Variants in SLC66A2 observed in about 807,000 individuals in gnomAD.
The protein encoded by SLC66A2 is solute carrier family 66 member 2.
In SLC66A2, 23 loss-of-function variants were observed where a neutral mutation model predicts 25.5. The ratio of observed to expected loss-of-function variants is 0.90; its 90% CI spans 0.65 to 1.28. SLC66A2 has a LOEUF of 1.28. Among genes scored for constraint, SLC66A2 ranks in the 50% most tolerant of loss-of-function variants. SLC66A2 has a pLI of 0.00. For missense variants in SLC66A2, 396 were observed against 373.1 expected, an observed-to-expected ratio of 1.06 and a Z score of -0.51; for synonymous variants, 193 against 166.5, an observed-to-expected ratio of 1.16 and a Z score of -1.23.
At chr18:79,949,318 G>A (rs888321133) in intron 2 of SLC66A2, among the ~76,000 whole-genome samples, 5 of 152,180 alleles carry the variant, frequency 3.3e-5, no homozygotes, top group African/African-American at 1.2e-4. Context: ...AAATGGACAC[G>A]AAAGGGGTGT....
chr18:79,948,899 G>A (rs2051021534), intron 2 of SLC66A2, among the ~76,000 whole-genome samples: 1 of 152,154 alleles, frequency 6.6e-6, no homozygotes, highest in South Asian at 2.1e-4. Flanking sequence ...AACAGCATTA[G>A]ACAATTAGAA....
At chr18:79,906,242 G>A (rs1269821967) in intron 5 of SLC66A2, among the ~76,000 whole-genome samples, 1 of 151,992 alleles carries the variant, frequency 6.6e-6, no homozygotes, top group Admixed American at 6.6e-5. Flanking sequence ...TTTCATTTTT[G>A]TTGCTTGGTG....
rs1013185234 is a variant in SLC66A2, at chr18:79,918,661, G to A, written c.608+523C>T. On this transcript the variant is annotated intron_variant, in intron 5 of 5. Coordinates refer to ENST00000397778, the MANE Select transcript of SLC66A2 (RefSeq NM_025078.5). The surrounding 1 kb of genome is among the most constrained non-coding windows in gnomAD (Gnocchi z 4.0). ...CCCTACCTCTGGCGGTCACGGGGAC[G>A]TCCAGGCACGCACTGGTGCAGGGCG... Among the ~76,000 whole-genome samples the A allele has an allele frequency of 6.6e-6, 1 of 152,246 alleles. No individual in the cohort carries two copies. Among genetic ancestry groups the A allele is most frequent in the African/African-American group, 2.4e-5 (1 of 41,460 alleles).
intron 3 of SLC66A2, among the ~76,000 whole-genome samples, chr18:79,935,646 G>C (rs1286861711): frequency 6.6e-6 from 1 of 152,188 alleles, no homozygotes; most frequent in African/African-American, 2.4e-5. Context: ...GCTTCCACCT[G>C]CTTTCTCAGG....
chr18:79,948,380 G>A (rs931056781), intron 2 of SLC66A2, among the ~76,000 whole-genome samples: 4 of 152,042 alleles, frequency 2.6e-5, no homozygotes, highest in African/African-American at 7.2e-5. Flanking sequence ...TTTGAGACAG[G>A]GTCTCTCTCT....
intron 5 of SLC66A2, among the ~76,000 whole-genome samples, chr18:79,907,319 G>A (rs142602905): frequency 8.3e-4 from 97 of 117,070 alleles, no homozygotes; most frequent in Non-Finnish European, 1.6e-3. Context: ...GTTTTTCACT[G>A]TATCTCTTTG....
rs184687683 is a variant in SLC66A2 at position 79,925,564 on chromosome 18, A to G, written c.392-6164T>C. On this transcript the variant is annotated intron_variant, in intron 4 of 5. Coordinates refer to ENST00000397778, the MANE Select transcript of SLC66A2 (RefSeq NM_025078.5). The stretch of plus-strand genomic sequence containing the variant: ...GCTGATCCTCAGAAGCTTCCGTCGC[A>G]CGGGCGTGGCTGCCCTCAACTCACA... Among the ~76,000 whole-genome samples the G allele has an allele frequency of 1.4e-3, 219 of 152,346 alleles. 1 individual carries two copies. The highest frequency in any genetic ancestry group is 4.8e-3 in the African/African-American group (199 of 41,582).
intron 3 of SLC66A2, among the ~76,000 whole-genome samples, chr18:79,934,698 G>A (rs1377145962): frequency 1.3e-5 from 2 of 152,186 alleles, no homozygotes; most frequent in Non-Finnish European, 2.9e-5. Flanking sequence ...GCCTCTAGGT[G>A]GCTCCTGGGA....
intron 4 of SLC66A2, among the ~76,000 whole-genome samples, chr18:79,931,473 C>G (rs1044663357): frequency 6.6e-5 from 10 of 152,070 alleles, no homozygotes; most frequent in African/African-American, 1.9e-4. Context: ...TAACAAACAA[C>G]AGTGCCCCAA....
chr18:79,934,084 A>G, intron 3 of SLC66A2, 62 bp from the exon 4 acceptor site: 1 of 1,264,432 alleles, frequency 7.9e-7, no homozygotes, highest in Non-Finnish European at 1.1e-6. Context: ...TACTGGTTTT[A>G]ACATGGGTAA....
intron 5 of SLC66A2, among the ~76,000 whole-genome samples, chr18:79,909,177 G>C (rs947086184): frequency 6.6e-6 from 1 of 152,146 alleles, no homozygotes; most frequent in Admixed American, 6.6e-5. Flanking sequence ...ACTTGTTTTT[G>C]GTGGACTGCA....
rs12966083 is a variant in SLC66A2, at chr18:79,916,162, C to G, written c.608+3022G>C. On this transcript the variant is annotated intron_variant, in intron 5 of 5. Transcript: ENST00000397778. ...CTCCCGTACCCGCGGCGCTCTCGTA[C>G]CCGCAGTGCTCCCGTACCCTCCCAT... 9.7e-3 allele frequency among the ~76,000 whole-genome samples: 563 copies of G among 57,826 alleles called. 6 individuals carry two copies. Among genetic ancestry groups the G allele is most frequent in the East Asian group, 0.049 (49 of 1,010 alleles). 37.9% of individuals were successfully genotyped at this position (57,826 alleles called of 152,430 possible).
At chr18:79,911,397 A>G (rs910954032) in intron 5 of SLC66A2, among the ~76,000 whole-genome samples, 2 of 152,248 alleles carry the variant, frequency 1.3e-5, no homozygotes, top group African/African-American at 4.8e-5. Context: ...CAACAAAGAC[A>G]GAGGGCTCCA....
intron 3 of SLC66A2, among the ~76,000 whole-genome samples, chr18:79,939,271 T>C (rs926056179): frequency 7.2e-5 from 11 of 152,242 alleles, no homozygotes; most frequent in Non-Finnish European, 1.3e-4. Context: ...GTTATTTTCA[T>C]GTCCTCATCG....
intron 4 of SLC66A2, among the ~76,000 whole-genome samples, chr18:79,922,863 G>A (rs1350971373): frequency 2.4e-4 from 32 of 132,344 alleles, no homozygotes; most frequent in African/African-American, 9.2e-4. Context: ...GGTTAGGGGG[G>A]CTTGGGGGCA....
rs1981490680 is a variant in SLC66A2, at chr18:79,903,238, G to A, written c.*738C>T. The A allele has an allele frequency of 1.3e-5, 2 of 152,444 alleles. No individual in the cohort carries two copies. Among genetic ancestry groups the A allele is most frequent in the African/African-American group, 2.4e-5 (1 of 41,476 alleles). The allele number at this position is 152,444 out of a possible 1,614,324, so 9.4% of individuals were successfully genotyped here. A position where few individuals can be genotyped will look rare whatever the true frequency, so the allele number is the denominator to read the frequency against. On this transcript the variant is annotated 3_prime_UTR_variant, in exon 6 of 6. Coordinates refer to ENST00000397778, the MANE Select transcript of SLC66A2 (RefSeq NM_025078.5). The stretch of plus-strand genomic sequence containing the variant: ...CATGAGGGCCTCCACGTTGTCTGAT[G>A]GTCGCTGGCATCTGCCACGTCCCCA...
At chr18:79,910,275 C>A (rs1428206415) in intron 5 of SLC66A2, among the ~76,000 whole-genome samples, 1 of 127,174 alleles carries the variant, frequency 7.9e-6, no homozygotes, top group Non-Finnish European at 1.7e-5. Context: ...CACCAGAGTC[C>A]CCAACCTTCC....
chr18:79,930,237 C>A (rs1038026997), intron 4 of SLC66A2: 1 of 151,990 alleles, frequency 6.6e-6, no homozygotes, highest in African/African-American at 2.4e-5. Flanking sequence ...CAAGGAAACC[C>A]CAATAAGATT....
chr18:79,906,611 A>T (rs1982161516), intron 5 of SLC66A2, among the ~76,000 whole-genome samples: 1 of 152,162 alleles, frequency 6.6e-6, no homozygotes, highest in Non-Finnish European at 1.5e-5. Context: ...GTTCTTTTTT[A>T]AAAAAATTCT....
Sources: gnomAD v4.1 joint callset for allele counts (sites outside exome capture counted in the v4.1 genomes callset) on GRCh38, gnomAD v4.1.1 for gene constraint, Gnocchi (gnomAD v3.1) non-coding constraint, MANE v1.5 for transcripts, NCBI Gene and HGNC (gene_info 2026-07-23, HGNC 2026-07-21) for gene names.